Variants in NAALADL2 observed in about 807,000 individuals in gnomAD.
NAALADL2 encodes N-acetylated alpha-linked acidic dipeptidase like 2.
NAALADL2 carries 76 observed loss-of-function variants against 87.2 expected under a neutral mutation model. The ratio of observed to expected loss-of-function variants is 0.87; its 90% CI spans 0.72 to 1.05. NAALADL2 has a LOEUF of 1.05. Ranked by LOEUF, NAALADL2 falls within the 50% of genes least tolerant of loss-of-function variation. NAALADL2 has a pLI of 0.00. For missense variants in NAALADL2, 1,089 were observed against 945.8 expected (o/e 1.15, Z -1.99); for synonymous variants, 354 against 331.0 (o/e 1.07, Z -0.75).
intron 1 of NAALADL2, among the ~76,000 whole-genome samples, chr3:174,979,954 A>C (rs966746098): frequency 3.9e-5 from 6 of 152,070 alleles, no homozygotes; most frequent in Non-Finnish European, 8.8e-5. Context: ...TCACATCCCC[A>C]AAAGCCCTTT....
chr3:175,741,684 T>G (rs891003360), intron 12 of NAALADL2, among the ~76,000 whole-genome samples: 1 of 152,112 alleles, frequency 6.6e-6, no homozygotes, highest in African/African-American at 2.4e-5. Flanking sequence ...ATAAAAGAGA[T>G]AATTCAGCAT....
intron 2 of NAALADL2, among the ~76,000 whole-genome samples, chr3:174,589,565 T>G (rs1259021180): frequency 2.0e-5 from 3 of 152,216 alleles, no homozygotes. Context: ...GTGCCATTTA[T>G]GGTCACACCA....
At chr3:175,078,490 C>T (rs1165690785) in intron 1 of NAALADL2, among the ~76,000 whole-genome samples, 2 of 152,086 alleles carry the variant, frequency 1.3e-5, no homozygotes, top group East Asian at 3.9e-4. Flanking sequence ...TTAATTTATT[C>T]AGTTACAAAA....
chr3:174,859,419 T>C lies in NAALADL2; in HGVS notation c.12T>C (p.Asn4=). Reference sequence around the variant, plus strand: ...AAAGAAATAATAAAATGGGAGAGAATGAAGCAAGTTTACCTAACACGTCTT... The same window carrying C: ...AAAGAAATAATAAAATGGGAGAGAACGAAGCAAGTTTACCTAACACGTCTT... MGE[N]EASLPNTSLQ... The change falls in exon 1 of 14, where the codon AAT becomes AAC. Residue 4 remains asparagine (N), a synonymous_variant. Transcript: ENST00000454872. 6.2e-7 allele frequency: 1 copy of C among 1,610,228 alleles called. No individual in the cohort carries two copies.
chr3:175,412,264 CGTGCACGCGTATA>C (rs1560509493), intron 5 of NAALADL2, among the ~76,000 whole-genome samples: 1 of 152,118 alleles, frequency 6.6e-6, no homozygotes, highest in African/African-American at 2.4e-5. Flanking sequence ...TGTATGTGCA[CGTGCACGCGTATA>C]GTTTGTGTGT....
intron 4 of NAALADL2, among the ~76,000 whole-genome samples, chr3:175,265,265 C>A (rs187185018): frequency 6.6e-6 from 1 of 151,734 alleles, no homozygotes; most frequent in African/African-American, 2.4e-5. Context: ...AATTCTAGTT[C>A]ATTGTTTTCT....
intron 2 of NAALADL2, among the ~76,000 whole-genome samples, chr3:174,733,074 G>C (rs968987172): frequency 1.3e-5 from 2 of 152,096 alleles, no homozygotes; most frequent in Non-Finnish European, 2.9e-5. Context: ...TTATTTATGA[G>C]ATTTTATTGT....
At chr3:174,777,364 T>A (rs2109131647) in intron 3 of NAALADL2, among the ~76,000 whole-genome samples, 1 of 152,256 alleles carries the variant, frequency 6.6e-6, no homozygotes, top group Admixed American at 6.5e-5. Context: ...AAAACTGGAT[T>A]TCAAGACCCT....
intron 4 of NAALADL2, among the ~76,000 whole-genome samples, chr3:175,308,582 T>C (rs539924961): frequency 6.6e-6 from 1 of 152,292 alleles, no homozygotes; most frequent in African/African-American, 2.4e-5. Context: ...AAAGGTAAAT[T>C]AGAGCCAGGA....
At position 174,449,939 on chromosome 3, in the gene NAALADL2, C is replaced by T. The variant is rs368940259; in HGVS notation, c.-184+8907C>T. 5.3e-5 allele frequency among the ~76,000 whole-genome samples: 8 copies of T among 151,982 alleles called. No homozygotes were observed. In the East Asian group the frequency reaches 5.8e-4, roughly 11 times the overall value. On this transcript the variant is annotated intron_variant, in intron 1 of 3. Transcript: ENST00000434257. Reference sequence around the variant, plus strand: ...TTAAACATTAATTCCAGATCATTGTCATCTTCATTGTATATGTCTTACCAA... The same window carrying T: ...TTAAACATTAATTCCAGATCATTGTTATCTTCATTGTATATGTCTTACCAA...
intron 5 of NAALADL2, among the ~76,000 whole-genome samples, chr3:175,357,818 T>C (rs1440921681): frequency 1.3e-5 from 2 of 152,138 alleles, no homozygotes; most frequent in African/African-American, 2.4e-5. Context: ...TTAAGTATTA[T>C]AAATGAATGG....
chr3:174,646,105 A>G (rs1437565084), intron 2 of NAALADL2, among the ~76,000 whole-genome samples: 1 of 152,060 alleles, frequency 6.6e-6, no homozygotes, highest in Non-Finnish European at 1.5e-5. Context: ...GATAAATTGA[A>G]AAATCAGTTT....
chr3:174,922,187 G>A (rs1735322964), intron 1 of NAALADL2, among the ~76,000 whole-genome samples: 1 of 151,790 alleles, frequency 6.6e-6, no homozygotes, highest in Admixed American at 6.6e-5. Context: ...TTGTACACCT[G>A]TAGTCCTACG....
chr3:175,358,464 C>G (rs189571975), intron 5 of NAALADL2, among the ~76,000 whole-genome samples: 4 of 150,914 alleles, frequency 2.7e-5, no homozygotes, highest in African/African-American at 4.9e-5. Context: ...TCTAAGAAAG[C>G]TAAAGAATAA....
intron 2 of NAALADL2, among the ~76,000 whole-genome samples, chr3:174,690,074 T>C (rs1456403413): frequency 6.6e-6 from 1 of 152,168 alleles, no homozygotes; most frequent in Non-Finnish European, 1.5e-5. Context: ...ATTTAATATA[T>C]GATATTAGAA....
chr3:174,992,224 T>C (rs1225071357), intron 1 of NAALADL2, among the ~76,000 whole-genome samples: 2 of 152,082 alleles, frequency 1.3e-5, no homozygotes, highest in Non-Finnish European at 2.9e-5. Context: ...ACCTTTAAAC[T>C]CTTTGAGTTT....
chr3:175,186,610 T>C (rs546612621), intron 2 of NAALADL2, among the ~76,000 whole-genome samples: 1 of 152,230 alleles, frequency 6.6e-6, no homozygotes, highest in South Asian at 2.1e-4. Flanking sequence ...TTGTTAAATA[T>C]AGCTTGCTTT....
At chr3:174,668,542 G>C (rs1286748721) in intron 2 of NAALADL2, among the ~76,000 whole-genome samples, 1 of 152,022 alleles carries the variant, frequency 6.6e-6, no homozygotes, top group Non-Finnish European at 1.5e-5. Context: ...TTTAACATTA[G>C]GTATATCTCC....
intron 2 of NAALADL2, among the ~76,000 whole-genome samples, chr3:174,668,756 A>C (rs1469039445): frequency 1.3e-5 from 2 of 152,116 alleles, no homozygotes; most frequent in Non-Finnish European, 1.5e-5. Flanking sequence ...TGAACTCATC[A>C]TTTTTTATGG....
Sources: allele counts gnomAD v4.1 joint callset (sites outside exome capture counted in the v4.1 genomes callset), GRCh38; gene constraint gnomAD v4.1.1; transcripts MANE v1.5; gene names NCBI Gene and HGNC (gene_info 2026-07-23, HGNC 2026-07-21).